Variants in ARHGEF28 observed in about 807,000 individuals in gnomAD.
ARHGEF28 encodes Rho guanine nucleotide exchange factor 28.
A neutral mutation model predicts 206.6 loss-of-function variants in ARHGEF28; 152 were observed. That is an observed-to-expected ratio of 0.74 (90% CI 0.64 to 0.84). The LOEUF (loss-of-function observed/expected upper bound fraction) is 0.84. Among genes scored for constraint, ARHGEF28 ranks in the 40% least tolerant of loss-of-function variants. ARHGEF28 has a pLI of 0.00. For synonymous variants in ARHGEF28, 763 were observed against 776.4 expected (o/e 0.98, Z 0.29); for missense variants, 2,028 against 2,073.2 (o/e 0.98, Z 0.42).
intron 1 of ARHGEF28, among the ~76,000 whole-genome samples, chr5:73,665,798 T>A (rs1265292158): frequency 2.0e-5 from 3 of 152,134 alleles, no homozygotes; most frequent in Admixed American, 6.5e-5. Flanking sequence ...TACTGTTGCA[T>A]TGGGGATTAA....
At chr5:73,640,836 C>A (rs1012850071) in intron 1 of ARHGEF28, among the ~76,000 whole-genome samples, 1 of 152,124 alleles carries the variant, frequency 6.6e-6, no homozygotes, top group African/African-American at 2.4e-5. Flanking sequence ...ACTGTAGCTC[C>A]ATTTGCAGAG....
intron 30 of ARHGEF28, 82 bp from the exon 31 acceptor site, chr5:73,901,102 T>G: frequency 1.9e-6 from 2 of 1,031,580 alleles, no homozygotes; most frequent in Non-Finnish European, 2.9e-6. Context: ...AAATATGTGT[T>G]GGCCGTGTAC....
intron 26 of ARHGEF28, among the ~76,000 whole-genome samples, chr5:73,888,581 A>G (rs1263782171): frequency 6.6e-6 from 1 of 152,226 alleles, no homozygotes; most frequent in East Asian, 1.9e-4. Flanking sequence ...TTAAAACCAA[A>G]GACCTAAAAG....
intron 1 of ARHGEF28, among the ~76,000 whole-genome samples, chr5:73,647,344 T>G (rs1470317759): frequency 6.6e-6 from 1 of 152,214 alleles, no homozygotes; most frequent in East Asian, 1.9e-4. Flanking sequence ...TCCAAAAATC[T>G]GAAAAAATTC....
chr5:73,894,263 A>T, intron 28 of ARHGEF28, 130 bp from the exon 29 acceptor site: 1 of 867,130 alleles, frequency 1.2e-6, no homozygotes, highest in Non-Finnish European at 1.7e-6. Flanking sequence ...CATCTGCCCC[A>T]CTCATCAACC....
rs548618272 is a variant in ARHGEF28 at position 73,667,803 on chromosome 5, G to A, written c.-11-17038G>A. Among the ~76,000 whole-genome samples the A allele has an allele frequency of 2.0e-5, 3 of 152,304 alleles. No homozygotes were observed. The South Asian group carries it at 6.2e-4, about 32-fold the overall frequency. On this transcript the variant is annotated intron_variant, in intron 1 of 35. Coordinates refer to ENST00000513042, the MANE Select transcript of ARHGEF28 (RefSeq NM_001177693.2). Reference sequence around the variant, plus strand: ...CTGCTTGAATATTATGCAGCACTTTGAATATTATGCTGCTTAGATATTTCT... The same window carrying A: ...CTGCTTGAATATTATGCAGCACTTTAAATATTATGCTGCTTAGATATTTCT...
At chr5:73,739,828 AAAATAAAT>A (rs571150752) in intron 2 of ARHGEF28, among the ~76,000 whole-genome samples, 33,140 of 140,044 alleles carry the variant, frequency 0.24, 4,321 homozygotes, top group Non-Finnish European at 0.29. Flanking sequence ...AATAATAATA[AAAATAAAT>A]AAATAAATAA....
intron 33 of ARHGEF28, 149 bp from the exon 34 acceptor site, chr5:73,909,263 C>T: frequency 8.3e-7 from 1 of 1,207,066 alleles, no homozygotes; most frequent in Non-Finnish European, 1.1e-6. Flanking sequence ...AAAACCTTGC[C>T]TTTGGAGGTA....
intron 1 of ARHGEF28, among the ~76,000 whole-genome samples, chr5:73,629,518 AAAAATT>A (rs1028221130): frequency 2.6e-5 from 4 of 151,852 alleles, no homozygotes; most frequent in Non-Finnish European, 5.9e-5. Flanking sequence ...AAAAAAAAAA[AAAAATT>A]AAAGACATTT....
At chr5:73,852,516 T>C (rs1346000969) in intron 13 of ARHGEF28, 134 bp from the exon 14 acceptor site, 9 of 763,982 alleles carry the variant, frequency 1.2e-5, no homozygotes, top group Non-Finnish European at 2.0e-5. Flanking sequence ...TTATATAAGG[T>C]AACTCATTTT....
At chr5:73,855,557 C>A (rs1758971936) in intron 14 of ARHGEF28, among the ~76,000 whole-genome samples, 1 of 151,892 alleles carries the variant, frequency 6.6e-6, no homozygotes, top group African/African-American at 2.4e-5. Context: ...CATGGCAAAA[C>A]CCCATCTCTA....
intron 35 of ARHGEF28, among the ~76,000 whole-genome samples, chr5:73,925,207 G>A (rs55910138): frequency 6.6e-6 from 1 of 152,130 alleles, no homozygotes; most frequent in Non-Finnish European, 1.5e-5. Context: ...CCCTTTATGA[G>A]GCACAGGAGG....
intron 1 of ARHGEF28, among the ~76,000 whole-genome samples, chr5:73,683,543 CTTT>C (rs929446551): frequency 6.6e-6 from 1 of 151,820 alleles, no homozygotes; most frequent in Non-Finnish European, 1.5e-5. Flanking sequence ...AATTGTATTC[CTTT>C]TTAAGGCTGA....
At chr5:73,881,869 T>C (rs763518579) in intron 22 of ARHGEF28, among the ~76,000 whole-genome samples, 8 of 152,242 alleles carry the variant, frequency 5.3e-5, no homozygotes, top group East Asian at 1.9e-4. Context: ...CTTTTCTTCA[T>C]TAGCTAATAA....
intron 6 of ARHGEF28, among the ~76,000 whole-genome samples, chr5:73,777,716 T>C (rs2112454660): frequency 6.6e-6 from 1 of 152,296 alleles, no homozygotes; most frequent in African/African-American, 2.4e-5. Context: ...TTTTCTGACA[T>C]ACAGCATCAC....
chr5:73,686,198 A>T (rs964485479), intron 2 of ARHGEF28, among the ~76,000 whole-genome samples: 9 of 152,160 alleles, frequency 5.9e-5, no homozygotes, highest in Admixed American at 3.3e-4. Context: ...TGGCCCAGAC[A>T]TGATTAAAGA....
intron 7 of ARHGEF28, among the ~76,000 whole-genome samples, chr5:73,790,141 A>G (rs1754390274): frequency 6.6e-6 from 1 of 151,920 alleles, no homozygotes; most frequent in African/African-American, 2.4e-5. Flanking sequence ...AGACAAAAAG[A>G]GCAATGGAAA....
At position 73,766,634 on chromosome 5, in the gene ARHGEF28, A is replaced by G. The variant is rs145745555; in HGVS notation, c.476-7221A>G. ...AAGTGTGATGACTTGGCCCTGCCCC[A>G]GAAGTTCTGATTTAATTTTTCTGGA... On this transcript the variant is annotated intron_variant, in intron 4 of 35. Transcript: ENST00000513042. Among the ~76,000 whole-genome samples the G allele has an allele frequency of 5.1e-3, 779 of 152,352 alleles. 7 individuals are homozygous for G. The highest frequency in any genetic ancestry group is 0.018 in the African/African-American group (737 of 41,576).
At chr5:73,644,560 T>A (rs1370881737) in intron 1 of ARHGEF28, among the ~76,000 whole-genome samples, 1 of 152,244 alleles carries the variant, frequency 6.6e-6, no homozygotes. Context: ...CCCTTCAGGC[T>A]CTGGCTCCTG....
Sources: gnomAD v4.1 joint callset for allele counts (sites outside exome capture counted in the v4.1 genomes callset) on GRCh38, gnomAD v4.1.1 for gene constraint, MANE v1.5 for transcripts, NCBI Gene and HGNC (gene_info 2026-07-23, HGNC 2026-07-21) for gene names.